SLC15A5: variants seen among roughly 807,000 people sequenced by gnomAD.
The protein encoded by SLC15A5 is Peptide/histidine transporter ENSP00000340402.
Under a neutral mutation model 56.1 loss-of-function variants are expected in SLC15A5, and 58 were observed. The ratio of observed to expected loss-of-function variants is 1.03; its 90% CI spans 0.84 to 1.29. The LOEUF (loss-of-function observed/expected upper bound fraction) is 1.29, where lower values mean the gene tolerates loss of function less well. Among genes scored for constraint, SLC15A5 ranks in the 50% most tolerant of loss-of-function variants. The probability of loss-of-function intolerance (pLI) is 0.00; values close to 1 mark genes in which losing one functional copy is unlikely to be tolerated. For synonymous variants in SLC15A5, 264 were observed against 250.5 expected (o/e 1.05, Z -0.51); for missense variants, 681 against 672.1 (o/e 1.01, Z -0.15).
intron 4 of SLC15A5, among the ~76,000 whole-genome samples, chr12:16,242,515 G>T (rs1440781030): frequency 6.6e-6 from 1 of 152,180 alleles, no homozygotes; most frequent in African/African-American, 2.4e-5. Context: ...AGATTTAGGA[G>T]AGTAATAGCC....
chr12:16,258,062 T>C (rs1218804736), intron 2 of SLC15A5, among the ~76,000 whole-genome samples, 192 bp from the exon 3 acceptor site: 1 of 152,232 alleles, frequency 6.6e-6, no homozygotes, highest in African/African-American at 2.4e-5. Context: ...TTTCATTATC[T>C]TTGTTTTATC....
intron 1 of SLC15A5, among the ~76,000 whole-genome samples, chr12:16,274,441 T>TA (rs1157257367): frequency 6.6e-6 from 1 of 152,164 alleles, no homozygotes; most frequent in Non-Finnish European, 1.5e-5. Context: ...TTTATACAGT[T>TA]ATTTCATGTG....
At position 16,239,841 on chromosome 12, in the gene SLC15A5, A is replaced by G. The variant is rs565937606; in HGVS notation, c.1002T>C (p.Thr334=). The change falls in exon 5 of 9, where the codon ACT becomes ACC. Residue 334 remains threonine (T), a synonymous_variant. Transcript: ENST00000344941. The stretch of plus-strand genomic sequence containing the variant: ...CATCCAAATTCAGGTTGGAATTCAT[A>G]GTTTGCAGATAATATCCTGAAGGAA... ...MQIPSGYYLQ[T]MNSNLNLDGF... The G allele has an allele frequency of 4.4e-5, 68 of 1,537,174 alleles. No homozygotes were observed. The Admixed American group carries it at 5.5e-4, about 12-fold the overall frequency.
At position 16,269,312 on chromosome 12, in the gene SLC15A5, A is replaced by C. The variant is rs947453698; in HGVS notation, c.584+3249T>G. ...TTCTCAAGTGATAATTAAAATGAGC[A>C]ACACTGCGTTGGAACAGTGGTTCTC... On this transcript the variant is annotated intron_variant, in intron 2 of 8. Transcript: ENST00000344941. The surrounding 1 kb of genome is among the most constrained non-coding windows in gnomAD (Gnocchi z 4.7). 1.3e-5 allele frequency among the ~76,000 whole-genome samples: 2 copies of C among 152,200 alleles called. No individual in the cohort carries two copies. The highest frequency in any genetic ancestry group is 4.8e-5 in the African/African-American group (2 of 41,444).
intron 5 of SLC15A5, among the ~76,000 whole-genome samples, chr12:16,232,589 A>G (rs1473655400): frequency 6.6e-6 from 1 of 152,194 alleles, no homozygotes; most frequent in African/African-American, 2.4e-5. Flanking sequence ...TTAGGAAAAA[A>G]AGATTGTAAC....
intron 7 of SLC15A5, among the ~76,000 whole-genome samples, chr12:16,215,059 T>C (rs553109556): frequency 6.6e-6 from 1 of 151,914 alleles, no homozygotes; most frequent in Non-Finnish European, 1.5e-5. Flanking sequence ...AAAAATTAGC[T>C]GGGTGTGGTG....
chr12:16,240,201 CA>C (rs1459537774), intron 4 of SLC15A5, among the ~76,000 whole-genome samples: 1 of 152,064 alleles, frequency 6.6e-6, no homozygotes, highest in Non-Finnish European at 1.5e-5. Context: ...TGTAGATAAG[CA>C]AAATGACTTT....
At chr12:16,240,294 T>C (rs1163132738) in intron 4 of SLC15A5, among the ~76,000 whole-genome samples, 2 of 152,138 alleles carry the variant, frequency 1.3e-5, no homozygotes, top group Non-Finnish European at 2.9e-5. Flanking sequence ...GAGGCTAGAA[T>C]AGATTCTTTA....
chr12:16,232,772 T>C (rs1218929946), intron 5 of SLC15A5, among the ~76,000 whole-genome samples: 1 of 151,888 alleles, frequency 6.6e-6, no homozygotes, highest in African/African-American at 2.4e-5. Flanking sequence ...CAAAATTAAC[T>C]GGGTGTGGTG....
chr12:16,222,710 C>T (rs1565662498), intron 6 of SLC15A5, among the ~76,000 whole-genome samples: 2 of 151,774 alleles, frequency 1.3e-5, no homozygotes, highest in Non-Finnish European at 3.0e-5. Flanking sequence ...CTGCCTTTTT[C>T]ACAGTCATTG....
intron 3 of SLC15A5, 68 bp from the exon 4 acceptor site, chr12:16,244,868 A>G: frequency 6.9e-7 from 1 of 1,452,006 alleles, no homozygotes; most frequent in Non-Finnish European, 9.3e-7. Context: ...GATGCTGATC[A>G]GAAAGATAAC....
intron 6 of SLC15A5, among the ~76,000 whole-genome samples, chr12:16,221,181 A>G (rs1036874172): frequency 2.0e-5 from 3 of 152,216 alleles, no homozygotes; most frequent in African/African-American, 7.2e-5. Context: ...ATCAAAATGT[A>G]TTTATTGATC....
intron 4 of SLC15A5, among the ~76,000 whole-genome samples, chr12:16,242,659 C>A (rs1204108135): frequency 1.3e-5 from 2 of 152,052 alleles, no homozygotes; most frequent in Non-Finnish European, 2.9e-5. Flanking sequence ...TGGTGATATG[C>A]TTAAAAATTA....
intron 5 of SLC15A5, among the ~76,000 whole-genome samples, chr12:16,231,673 C>T (rs769858652): frequency 6.6e-6 from 1 of 152,210 alleles, no homozygotes; most frequent in Admixed American, 6.5e-5. Context: ...GTTCCATCTC[C>T]TCCTCTGGTA....
Position 16,269,776 on chromosome 12 carries a change from G to A in SLC15A5, c.584+2785C>T, listed in dbSNP as rs1469028148. 6.6e-6 allele frequency among the ~76,000 whole-genome samples: 1 copy of A among 152,172 alleles called. No individual in the cohort carries two copies. Among genetic ancestry groups the A allele is most frequent in the African/African-American group, 2.4e-5 (1 of 41,446 alleles). On this transcript the variant is annotated intron_variant, in intron 2 of 8. Coordinates refer to ENST00000344941, the MANE Select transcript of SLC15A5 (RefSeq NM_001170798.1). The surrounding 1 kb of genome is among the most constrained non-coding windows in gnomAD (Gnocchi z 4.7). ...CCTAGTAACCCCTTAGCAACAGACT[G>A]TGATATGCAGATAGGATGCAAATTA... is the stretch of plus-strand genomic sequence containing the variant.
chr12:16,206,191 C>T (rs1168868706), intron 7 of SLC15A5, among the ~76,000 whole-genome samples: 1 of 152,114 alleles, frequency 6.6e-6, no homozygotes, highest in Admixed American at 6.5e-5. Flanking sequence ...TGGAATCCGC[C>T]ATTGCTGTGT....
intron 7 of SLC15A5, among the ~76,000 whole-genome samples, chr12:16,197,881 C>T (rs537769692): frequency 6.6e-6 from 1 of 152,032 alleles, no homozygotes; most frequent in Admixed American, 6.6e-5. Flanking sequence ...TCGTAATTCA[C>T]ATTTGTGCCA....
intron 4 of SLC15A5, among the ~76,000 whole-genome samples, chr12:16,242,861 C>T (rs931466269): frequency 1.1e-4 from 17 of 152,118 alleles, no homozygotes; most frequent in East Asian, 9.6e-4. Flanking sequence ...TACTGTTTAT[C>T]GGTTCCTCCA....
chr12:16,194,292 G>C, intron 8 of SLC15A5, 53 bp downstream of exon 8: 1 of 1,184,688 alleles, frequency 8.4e-7, no homozygotes. Flanking sequence ...ATGGTTCCCA[G>C]ACCAATATTT....
Sources: allele counts gnomAD v4.1 joint callset (sites outside exome capture counted in the v4.1 genomes callset), GRCh38; gene constraint gnomAD v4.1.1; non-coding constraint Gnocchi (gnomAD v3.1); transcripts MANE v1.5; gene names NCBI Gene and HGNC (gene_info 2026-07-23, HGNC 2026-07-21).